The following ZPLD1 variants were observed in gnomAD, a reference collection of about 807,000 sequenced individuals.
The protein encoded by ZPLD1 is zona pellucida like domain containing 1, also known as zona pellucida-like domain-containing protein 1.
Under a neutral mutation model 47.2 loss-of-function variants are expected in ZPLD1, and 34 were observed. That is an observed-to-expected ratio of 0.72 (90% CI 0.55 to 0.96). The LOEUF (loss-of-function observed/expected upper bound fraction) is 0.96. ZPLD1 is among the 40% of genes least tolerant of loss of function. ZPLD1 has a pLI of 0.00. For synonymous variants in ZPLD1, 176 were observed against 186.2 expected, an observed-to-expected ratio of 0.95 and a Z score of 0.45; for missense variants, 512 against 505.8, an observed-to-expected ratio of 1.01 and a Z score of -0.12.
Position 102,477,796 on chromosome 3 carries a change from T to A in ZPLD1, c.*178T>A. Reference sequence around the variant, plus strand: ...AAAGAAGTTTATTATATTGCTATTGTCACTTATGTACGTGGCGAGCCGTAT... The same window carrying A: ...AAAGAAGTTTATTATATTGCTATTGACACTTATGTACGTGGCGAGCCGTAT... On this transcript the variant is annotated 3_prime_UTR_variant, in exon 12 of 12. Coordinates refer to ENST00000466937, the MANE Select transcript of ZPLD1 (RefSeq NM_001329788.2). The A allele has an allele frequency of 3.8e-6, 2 of 530,592 alleles. No homozygotes were observed. The allele number at this position is 530,592 out of a possible 1,614,324, so 32.9% of individuals were successfully genotyped here.
Position 102,456,230 on chromosome 3 carries a change from C to T in ZPLD1, c.365C>T (p.Ala122Val). ...TIPGVSAYGN[A>V]TSVQVGNISG... ...CCTGGAGTCAGTGCTTATGGAAATG[C>T]AACTTCAGTGCAAGTAGGAAATATT... The change falls in exon 5 of 12, where the codon GCA becomes GTA. Residue 122 changes from alanine to valine, a missense_variant. Coordinates refer to ENST00000466937, the MANE Select transcript of ZPLD1 (RefSeq NM_001329788.2). The T allele has an allele frequency of 6.2e-7, 1 of 1,613,382 alleles. No individual in the cohort carries two copies. Among genetic ancestry groups the T allele is most frequent in the Non-Finnish European group, 8.5e-7 (1 of 1,179,730 alleles).
intron 9 of ZPLD1, 50 bp from the exon 10 acceptor site, chr3:102,470,344 A>G (rs1707661084): frequency 2.7e-6 from 4 of 1,480,856 alleles, no homozygotes; most frequent in Non-Finnish European, 3.8e-6. Flanking sequence ...GCCATAAAGA[A>G]ACAATTCTGC....
At chr3:102,434,807 C>T (rs1707062676), upstream of ZPLD1, among the ~76,000 whole-genome samples, 1 of 152,184 alleles carries the variant, frequency 6.6e-6, no homozygotes, top group Non-Finnish European at 1.5e-5. Context: ...TGCTCAGATT[C>T]TCTGTCAAGA....
At chr3:102,404,503 C>T (rs776212240) in intron 7 of ZPLD1, among the ~76,000 whole-genome samples, 9 of 151,914 alleles carry the variant, frequency 5.9e-5, no homozygotes, top group Non-Finnish European at 1.2e-4. Flanking sequence ...ATATGTTAAC[C>T]TAAGTTCGAA....
chr3:102,434,856 T>A (rs1418474289), upstream of ZPLD1, among the ~76,000 whole-genome samples: 6 of 152,172 alleles, frequency 3.9e-5, no homozygotes, highest in African/African-American at 1.2e-4. Context: ...GCACCTTAGA[T>A]TATTCCAGAG....
intron 8 of ZPLD1, among the ~76,000 whole-genome samples, chr3:102,424,059 C>T (rs1407184255): frequency 6.6e-6 from 1 of 152,060 alleles, no homozygotes; most frequent in East Asian, 1.9e-4. Flanking sequence ...CCTTTGTTTA[C>T]AAATAGTCAT....
At position 102,477,812 on chromosome 3, in the gene ZPLD1, C is replaced by T. The variant is rs1034667679; in HGVS notation, c.*194C>T. On this transcript the variant is annotated 3_prime_UTR_variant, in exon 12 of 12. Coordinates refer to ENST00000466937, the MANE Select transcript of ZPLD1 (RefSeq NM_001329788.2). The stretch of plus-strand genomic sequence containing the variant: ...TTGCTATTGTCACTTATGTACGTGG[C>T]GAGCCGTATTTTTATGCCACCAGTG... 9.1e-6 allele frequency: 4 copies of T among 439,708 alleles called. No homozygotes were observed. Among genetic ancestry groups the T allele is most frequent in the Non-Finnish European group, 1.5e-5 (4 of 263,068 alleles). 27.2% of individuals were successfully genotyped at this position (439,708 alleles called of 1,614,324 possible).
intron 3 of ZPLD1, among the ~76,000 whole-genome samples, chr3:102,439,393 T>C (rs1707141168): frequency 6.6e-6 from 1 of 152,182 alleles, no homozygotes; most frequent in South Asian, 2.1e-4. Context: ...TAAAGTGCGA[T>C]TTCTACAACA....
intron 10 of ZPLD1, among the ~76,000 whole-genome samples, chr3:102,472,084 T>A (rs1368468855): frequency 6.6e-6 from 1 of 152,346 alleles, no homozygotes; most frequent in East Asian, 1.9e-4. Flanking sequence ...ACAATTGCTT[T>A]AATTACTTTC....
At chr3:102,477,338 A>G (rs1576172024) in intron 11 of ZPLD1, 105 bp from the exon 12 acceptor site, 3 of 1,159,754 alleles carry the variant, frequency 2.6e-6, no homozygotes, top group Non-Finnish European at 3.7e-6. Context: ...CCATGCTGCT[A>G]TTCTATGAGA....
At position 102,470,358 on chromosome 3, in the gene ZPLD1, G is replaced by A. The variant is rs1375488673; in HGVS notation, c.934-36G>A. ...GGCCATAAAGAAACAATTCTGCGCCGGTGTGGAATTTCATTTGTTTTCATT... is the reference window on the plus strand; with the variant it reads ...GGCCATAAAGAAACAATTCTGCGCCAGTGTGGAATTTCATTTGTTTTCATT... On this transcript the variant is annotated intron_variant, in intron 9 of 11. Coordinates refer to ENST00000466937, the MANE Select transcript of ZPLD1 (RefSeq NM_001329788.2). 6 of 1,543,154 alleles carry A rather than the reference G, an allele frequency of 3.9e-6. No homozygotes were observed. The East Asian group carries it at 6.7e-5, about 17-fold the overall frequency.
intron 8 of ZPLD1, among the ~76,000 whole-genome samples, chr3:102,425,315 G>T (rs1200748526): frequency 6.6e-6 from 1 of 151,960 alleles, no homozygotes; most frequent in Non-Finnish European, 1.5e-5. Flanking sequence ...ATTCTTGATA[G>T]AACTTTTACC....
chr3:102,445,018 T>C (rs1305540723), intron 3 of ZPLD1, among the ~76,000 whole-genome samples: 1 of 152,198 alleles, frequency 6.6e-6, no homozygotes, highest in African/African-American at 2.4e-5. Flanking sequence ...TTCTTTGCTC[T>C]GGACTCCTTG....
At chr3:102,469,246 T>G (rs1707646127) in intron 9 of ZPLD1, 111 bp downstream of exon 9, 1 of 1,112,922 alleles carries the variant, frequency 9.0e-7, no homozygotes, top group South Asian at 1.7e-5. Context: ...TTAGATCAAA[T>G]AGTTTGAAGT....
intron 7 of ZPLD1, among the ~76,000 whole-genome samples, chr3:102,397,886 A>G (rs1365584553): frequency 1.3e-5 from 2 of 152,158 alleles, no homozygotes; most frequent in African/African-American, 4.8e-5. Context: ...ACATTTACTG[A>G]GTATAATACT....
At chr3:102,435,223 T>C (rs1476010472) in intron 1 of ZPLD1, 69 bp downstream of exon 1, 4 of 1,555,266 alleles carry the variant, frequency 2.6e-6, no homozygotes, top group Non-Finnish European at 3.6e-6. Context: ...AGTTGAACTA[T>C]AAAGAAGGCT....
At chr3:102,443,840 C>G (rs1393497444) in intron 3 of ZPLD1, among the ~76,000 whole-genome samples, 1 of 152,190 alleles carries the variant, frequency 6.6e-6, no homozygotes, top group Non-Finnish European at 1.5e-5. Context: ...TGTTCTGGTT[C>G]TCTGTATAGA....
chr3:102,460,202 A>G (rs1244837392), intron 6 of ZPLD1, among the ~76,000 whole-genome samples: 1 of 152,010 alleles, frequency 6.6e-6, no homozygotes, highest in African/African-American at 2.4e-5. Flanking sequence ...ATTAATTCCT[A>G]TTTCACATGG....
At chr3:102,471,140 A>G (rs951621565) in intron 10 of ZPLD1, among the ~76,000 whole-genome samples, 3 of 152,138 alleles carry the variant, frequency 2.0e-5, no homozygotes, top group Admixed American at 6.5e-5. Flanking sequence ...GCTGTCGCCC[A>G]TGACTACTAA....
Sources: allele counts gnomAD v4.1 joint callset (sites outside exome capture counted in the v4.1 genomes callset), GRCh38; gene constraint gnomAD v4.1.1; transcripts MANE v1.5; gene names NCBI Gene and HGNC (gene_info 2026-07-23, HGNC 2026-07-21).